Variants in NFIB observed in about 807,000 individuals in gnomAD.
NFIB encodes nuclear factor I B, also known as nuclear factor 1 B-type.
NFIB carries 11 observed loss-of-function variants against 61.5 expected under a neutral mutation model. The observed-to-expected ratio is 0.18, with a 90% CI of 0.11 to 0.30. The LOEUF (loss-of-function observed/expected upper bound fraction) is 0.30, where lower values mean the gene tolerates loss of function less well. Among genes scored for constraint, NFIB ranks in the 10% least tolerant of loss-of-function variants. The pLI is 1.00. For missense variants in NFIB, 471 were observed against 608.9 expected (o/e 0.77, Z 2.38); for synonymous variants, 260 against 216.5 (o/e 1.20, Z -1.76).
At chr9:14,272,097 C>G (rs1245978743) in intron 2 of NFIB, among the ~76,000 whole-genome samples, 1 of 152,108 alleles carries the variant, frequency 6.6e-6, no homozygotes, top group Non-Finnish European at 1.5e-5. Flanking sequence ...CAGTATATCT[C>G]GTGATCAGTA....
At chr9:14,515,292 G>A in the NFIB span, among the ~76,000 whole-genome samples, 46 of 152,152 alleles carry the variant, frequency 3.0e-4, no homozygotes, top group Non-Finnish European at 5.6e-4. Flanking sequence ...GGAAGAAAAA[G>A]GGAAGTAATG....
intron 2 of NFIB, among the ~76,000 whole-genome samples, chr9:14,263,804 T>C (rs994025586): frequency 1.7e-4 from 26 of 152,188 alleles, no homozygotes; most frequent in Middle Eastern, 3.2e-3. Flanking sequence ...AGTGAAAGTA[T>C]ATGGCGTAAT....
intron 7 of NFIB, among the ~76,000 whole-genome samples, chr9:14,121,728 G>A (rs2038964627): frequency 6.6e-6 from 1 of 151,990 alleles, no homozygotes; most frequent in Non-Finnish European, 1.5e-5. Flanking sequence ...TTTCATATAG[G>A]TAAGTATATT....
At chr9:14,258,355 T>C (rs769759788) in intron 2 of NFIB, among the ~76,000 whole-genome samples, 4 of 152,258 alleles carry the variant, frequency 2.6e-5, no homozygotes, top group Non-Finnish European at 4.4e-5. Flanking sequence ...GAGAACAGCA[T>C]GTTGTCTAAG....
the NFIB span, among the ~76,000 whole-genome samples, chr9:14,445,081 T>C: frequency 2.6e-5 from 4 of 152,206 alleles, no homozygotes; most frequent in African/African-American, 4.8e-5. Flanking sequence ...AGTTGTAGTA[T>C]GTGTATTTTC....
the NFIB span, among the ~76,000 whole-genome samples, chr9:14,420,669 A>T: frequency 6.6e-6 from 1 of 152,108 alleles, no homozygotes; most frequent in East Asian, 1.9e-4. Context: ...AAAGGAAGAG[A>T]AGAATCCAAG....
chr9:14,322,301 G>T, intron 1 of NFIB: 1 of 314,646 alleles, frequency 3.2e-6, no homozygotes, highest in Non-Finnish European at 5.6e-6. Context: ...AGGATGGTGT[G>T]TGTGTGTGCG....
In NFIB at chr9:14,285,279, C is replaced by T. The variant is rs111961325; in HGVS notation, c.562+21710G>A. ...CTGGGATTATAGGTGCACACCACCA[C>T]ACCTGGCTAATTTTTGTATTTTTAG... On this transcript the variant is annotated intron_variant, in intron 2 of 10. Transcript: ENST00000380953. 8.8e-3 allele frequency among the ~76,000 whole-genome samples: 1,338 copies of T among 152,224 alleles called. 17 individuals are homozygous for T. Among genetic ancestry groups the T allele is most frequent in the African/African-American group, 0.031 (1,284 of 41,546 alleles).
Position 14,158,296 on chromosome 9 carries a change from T to A in NFIB, c.617-2403A>T, listed in dbSNP as rs77187657. Among the ~76,000 whole-genome samples the A allele has an allele frequency of 6.2e-3, 937 of 152,224 alleles. 4 individuals are homozygous for A. Among genetic ancestry groups the A allele is most frequent in the South Asian group, 0.014 (69 of 4,828 alleles). On this transcript the variant is annotated intron_variant, in intron 3 of 10. Transcript: ENST00000380953. ...ATGAGATGGCCCTCTTTCTACACAC[T>A]CTAGTCTCATCCTTCAAAATCCAGC...
At chr9:14,395,726 CTTTTTTT>C (rs35417792) in intron 1 of NFIB, among the ~76,000 whole-genome samples, 36 of 65,752 alleles carry the variant, frequency 5.5e-4, no homozygotes, top group African/African-American at 1.4e-3. Context: ...ATTCTTTTGA[CTTTTTTT>C]TTTTTTTTTT....
At chr9:14,309,812 A>G (rs2060199538) in intron 1 of NFIB, among the ~76,000 whole-genome samples, 1 of 152,210 alleles carries the variant, frequency 6.6e-6, no homozygotes, top group South Asian at 2.1e-4. Context: ...ATCTTTTACT[A>G]CGATTTATTG....
At chr9:14,467,439 G>T in the NFIB span, among the ~76,000 whole-genome samples, 1 of 151,992 alleles carries the variant, frequency 6.6e-6, no homozygotes, top group African/African-American at 2.4e-5. Context: ...GCCAAGGAGA[G>T]GATGGAAGAG....
chr9:14,201,129 A>G (rs2048986918), intron 2 of NFIB, among the ~76,000 whole-genome samples: 1 of 152,078 alleles, frequency 6.6e-6, no homozygotes, highest in Non-Finnish European at 1.5e-5. Flanking sequence ...TTACCTCACA[A>G]TAGCCTCAGC....
At chr9:14,214,182 T>G (rs1442078521) in intron 2 of NFIB, among the ~76,000 whole-genome samples, 1 of 152,094 alleles carries the variant, frequency 6.6e-6, no homozygotes, top group Non-Finnish European at 1.5e-5. Context: ...CCTGCACTTC[T>G]CTGAGCACAT....
chr9:14,286,098 C>T (rs368006924), intron 2 of NFIB, among the ~76,000 whole-genome samples: 9 of 152,214 alleles, frequency 5.9e-5, no homozygotes, highest in East Asian at 3.9e-4. Flanking sequence ...CACTGCAAAA[C>T]CTGCAACAAG....
chr9:14,105,608 A>T (rs977814591), intron 10 of NFIB, among the ~76,000 whole-genome samples: 27 of 152,128 alleles, frequency 1.8e-4, no homozygotes, highest in Non-Finnish European at 4.0e-4. Context: ...TTTTAAAGTG[A>T]TGGTATGGGT....
intron 1 of NFIB, among the ~76,000 whole-genome samples, chr9:14,325,535 A>G (rs1216773836): frequency 6.6e-6 from 1 of 152,152 alleles, no homozygotes; most frequent in Non-Finnish European, 1.5e-5. Flanking sequence ...TTTATATCAT[A>G]ATTGAAGTAA....
chr9:14,204,975 C>A, intron 2 of NFIB: 2 of 314,178 alleles, frequency 6.4e-6, no homozygotes, highest in Non-Finnish European at 6.1e-6. Flanking sequence ...GTCCTGGGTC[C>A]CAAGCCTGTG....
At chr9:14,359,160 C>G (rs1014057170) in intron 1 of NFIB, among the ~76,000 whole-genome samples, 5 of 152,176 alleles carry the variant, frequency 3.3e-5, no homozygotes, top group Admixed American at 6.6e-5. Context: ...GATTGTTAAA[C>G]TGGCAGCTGT....
Sources: gnomAD v4.1 joint callset for allele counts (sites outside exome capture counted in the v4.1 genomes callset) on GRCh38, gnomAD v4.1.1 for gene constraint, MANE v1.5 for transcripts, NCBI Gene and HGNC (gene_info 2026-07-23, HGNC 2026-07-21) for gene names.